CCDC141: variants seen among roughly 807,000 people sequenced by gnomAD.
The protein encoded by CCDC141 is coiled-coil domain-containing protein 141.
A neutral mutation model predicts 181.0 loss-of-function variants in CCDC141; 168 were observed. That is an observed-to-expected ratio of 0.93 (90% CI 0.82 to 1.05). The LOEUF (loss-of-function observed/expected upper bound fraction) is 1.05. Among genes scored for constraint, CCDC141 ranks in the 50% least tolerant of loss-of-function variants. The pLI is 0.00. For missense variants in CCDC141, 1,902 were observed against 1,788.5 expected (o/e 1.06, Z -1.14); for synonymous variants, 666 against 642.3 (o/e 1.04, Z -0.56).
At chr2:178,859,745 G>T (rs918077738) in intron 17 of CCDC141, among the ~76,000 whole-genome samples, 3 of 152,130 alleles carry the variant, frequency 2.0e-5, no homozygotes, top group Non-Finnish European at 2.9e-5. Flanking sequence ...AAAAACTATA[G>T]CTATTTTGAA....
At chr2:178,944,759 C>T in intron 5 of CCDC141, 108 bp from the exon 6 acceptor site, 2 of 471,988 alleles carry the variant, frequency 4.2e-6, no homozygotes, top group South Asian at 5.2e-5. Flanking sequence ...ACTTTAATTT[C>T]TTTTTATATA....
chr2:178,868,252 A>AG (rs200275373), intron 15 of CCDC141, 47 bp from the exon 16 acceptor site: 36,973 of 1,503,778 alleles, frequency 0.025, 1,266 homozygotes, highest in Admixed American at 0.15. Flanking sequence ...ATATGAAGAC[A>AG]AATTTTTTTT....
In CCDC141 at chr2:178,989,793, G is replaced by A. The variant is rs115567912; in HGVS notation, c.226-11118C>T. Among the ~76,000 whole-genome samples the A allele has an allele frequency of 4.2e-3, 545 of 129,758 alleles. 4 individuals carry two copies. Among genetic ancestry groups the A allele is most frequent in the African/African-American group, 0.015 (510 of 34,268 alleles). 85.1% of individuals were successfully genotyped at this position (129,758 alleles called of 152,430 possible). ...AAAATGCAAATCAAAAGTACAATGA[G>A]ATGTCACTTCACACCCACTAGGATA... On this transcript the variant is annotated intron_variant, in intron 2 of 23. Coordinates refer to ENST00000443758, the MANE Select transcript of CCDC141 (RefSeq NM_173648.4).
intron 3 of CCDC141, among the ~76,000 whole-genome samples, chr2:178,976,250 G>C (rs745806004): frequency 4.6e-5 from 7 of 152,202 alleles, no homozygotes; most frequent in Non-Finnish European, 8.8e-5. Context: ...ATCCACCTTT[G>C]GATTGGGTTT....
At chr2:178,922,215 C>T (rs1298612963) in intron 6 of CCDC141, among the ~76,000 whole-genome samples, 1 of 152,116 alleles carries the variant, frequency 6.6e-6, no homozygotes, top group African/African-American at 2.4e-5. Context: ...GCTTTACATG[C>T]ATTATGTCAT....
At chr2:179,003,835 T>C (rs913964141) in intron 2 of CCDC141, among the ~76,000 whole-genome samples, 1 of 152,190 alleles carries the variant, frequency 6.6e-6, no homozygotes, top group East Asian at 1.9e-4. Context: ...TCAAGAAACA[T>C]GTATGTTAGA....
chr2:178,931,053 C>T (rs1218212399), intron 6 of CCDC141, among the ~76,000 whole-genome samples: 1 of 152,006 alleles, frequency 6.6e-6, no homozygotes, highest in African/African-American at 2.4e-5. Flanking sequence ...AATGGTCAGC[C>T]AGTAAATGAA....
chr2:178,897,829 T>C lies in CCDC141; in HGVS notation c.1265+7500A>G, dbSNP rs539265008. Reference sequence around the variant, plus strand: ...TGAGGTCCTCATTTTTGTCCCATTATAGAAAACTTTACCCTCACACAAGGT... The same window carrying C: ...TGAGGTCCTCATTTTTGTCCCATTACAGAAAACTTTACCCTCACACAAGGT... On this transcript the variant is annotated intron_variant, in intron 8 of 23. Transcript: ENST00000443758. Among the ~76,000 whole-genome samples the C allele has an allele frequency of 5.3e-5, 8 of 152,334 alleles. No homozygotes were observed. In the East Asian group the frequency reaches 1.3e-3, roughly 26 times the overall value.
chr2:178,860,543 C>CTTTTTTTTTTTTTT (rs71023458), intron 17 of CCDC141, among the ~76,000 whole-genome samples: 1 of 51,338 alleles, frequency 1.9e-5, no homozygotes, highest in Non-Finnish European at 3.4e-5. Context: ...AAAAACAACA[C>CTTTTTTTTTTTTTT]TTTTTTTTTT....
At chr2:178,963,376 GACAGTATCTCGAAAGA>G (rs1690488755) in intron 4 of CCDC141, among the ~76,000 whole-genome samples, 2 of 152,140 alleles carry the variant, frequency 1.3e-5, no homozygotes, top group Non-Finnish European at 2.9e-5. Flanking sequence ...AAAATGCTAG[GACAGTATCTCGAAAGA>G]ATAACAGCGT....
intron 6 of CCDC141, among the ~76,000 whole-genome samples, chr2:178,941,977 A>G (rs1034313535): frequency 2.1e-5 from 1 of 47,954 alleles, no homozygotes; most frequent in Non-Finnish European, 6.8e-5. Context: ...AAAAAAAAAA[A>G]AAAAAAAAAA....
chr2:179,043,672 A>T (rs904391176), intron 2 of CCDC141, among the ~76,000 whole-genome samples: 1 of 152,208 alleles, frequency 6.6e-6, no homozygotes, highest in African/African-American at 2.4e-5. Context: ...GAAGGAACAT[A>T]CCTCAAAATA....
chr2:178,850,777 G>T (rs1332846797), intron 20 of CCDC141, among the ~76,000 whole-genome samples: 1 of 152,092 alleles, frequency 6.6e-6, no homozygotes, highest in Non-Finnish European at 1.5e-5. Flanking sequence ...TCTATATATT[G>T]TAATAAAAAT....
At chr2:178,926,869 A>T (rs1453900419) in intron 6 of CCDC141, among the ~76,000 whole-genome samples, 2 of 152,228 alleles carry the variant, frequency 1.3e-5, no homozygotes, top group Non-Finnish European at 2.9e-5. Context: ...TACATATGTT[A>T]TATGCATTGG....
chr2:178,897,036 A>G (rs1385583466), intron 8 of CCDC141, among the ~76,000 whole-genome samples: 4 of 148,120 alleles, frequency 2.7e-5, no homozygotes, highest in Non-Finnish European at 6.0e-5. Context: ...TGCCTGTTCC[A>G]CTCATCTCCT....
chr2:178,963,500 G>T (rs958102883), intron 4 of CCDC141, among the ~76,000 whole-genome samples: 11 of 152,062 alleles, frequency 7.2e-5, no homozygotes, highest in Non-Finnish European at 1.5e-4. Flanking sequence ...AATAAAAATG[G>T]ACTGAACTGG....
intron 5 of CCDC141, among the ~76,000 whole-genome samples, chr2:178,952,169 A>G (rs1689976183): frequency 6.6e-6 from 1 of 152,240 alleles, no homozygotes; most frequent in Non-Finnish European, 1.5e-5. Context: ...CCCTGTTCAT[A>G]TCAGAACATT....
chr2:179,012,583 G>GA (rs1381657583), intron 2 of CCDC141, among the ~76,000 whole-genome samples: 189 of 152,040 alleles, frequency 1.2e-3, no homozygotes, highest in African/African-American at 4.4e-3. Flanking sequence ...TATTCCACAA[G>GA]ATAAAGAAGG....
intron 2 of CCDC141, among the ~76,000 whole-genome samples, chr2:179,035,245 A>G (rs1180281192): frequency 1.3e-5 from 2 of 152,156 alleles, no homozygotes; most frequent in Admixed American, 1.3e-4. Flanking sequence ...TCATAAATTC[A>G]GAATTTTCTT....
Sources: allele counts gnomAD v4.1 joint callset (sites outside exome capture counted in the v4.1 genomes callset), GRCh38; gene constraint gnomAD v4.1.1; transcripts MANE v1.5; gene names NCBI Gene and HGNC (gene_info 2026-07-23, HGNC 2026-07-21).